The following SLMAP variants were observed in gnomAD, a reference collection of about 807,000 sequenced individuals.
The protein encoded by SLMAP is sarcolemmal membrane-associated protein.
A neutral mutation model predicts 128.8 loss-of-function variants in SLMAP; 44 were observed. That is an observed-to-expected ratio of 0.34 (90% CI 0.27 to 0.44). SLMAP has a LOEUF of 0.44. SLMAP is among the 20% of genes least tolerant of loss of function. The probability of loss-of-function intolerance (pLI) is 1.00; values close to 1 mark genes in which losing one functional copy is unlikely to be tolerated. For missense variants in SLMAP, 787 were observed against 985.3 expected (o/e 0.80, Z 2.69); for synonymous variants, 327 against 348.8 (o/e 0.94, Z 0.70).
intron 2 of SLMAP, among the ~76,000 whole-genome samples, chr3:57,796,649 A>G (rs181608033): frequency 6.6e-6 from 1 of 152,346 alleles, no homozygotes; most frequent in Non-Finnish European, 1.5e-5. Flanking sequence ...CTAGAGACCT[A>G]ATCTAAGAAC....
intron 13 of SLMAP, among the ~76,000 whole-genome samples, chr3:57,867,696 C>G (rs1045628933): frequency 1.3e-5 from 2 of 151,964 alleles, no homozygotes; most frequent in Non-Finnish European, 2.9e-5. Context: ...TTCAAGTATC[C>G]CAGTATTACC....
At chr3:57,779,712 A>T (rs1187200955) in intron 2 of SLMAP, among the ~76,000 whole-genome samples, 1 of 152,090 alleles carries the variant, frequency 6.6e-6, no homozygotes, top group Non-Finnish European at 1.5e-5. Flanking sequence ...TTTGATTCTC[A>T]TAATCAAGTA....
Position 57,913,220 on chromosome 3 carries a change from A to G in SLMAP, c.2083A>G (p.Arg695Gly). Residue 695 changes from arginine to glycine, a missense_variant, in exon 21 of 25, where the codon AGG becomes GGG. By Grantham distance (125) the Arg-to-Gly change is moderately radical. Transcript: ENST00000671191. ...GGAAACCGAATGCCATTCTCTAAAA[A>G]GGGAAAATGTTTTGCTATCATCAGA... ...ALETECHSLK[R>G]ENVLLSSELQ... 1 of 1,601,208 alleles carries G rather than the reference A, an allele frequency of 6.2e-7. No homozygotes were observed. Among genetic ancestry groups the G allele is most frequent in the Non-Finnish European group, 8.5e-7 (1 of 1,171,022 alleles).
intron 2 of SLMAP, among the ~76,000 whole-genome samples, chr3:57,770,931 C>CTTA (rs1418921572): frequency 1.3e-5 from 2 of 152,036 alleles, no homozygotes; most frequent in African/African-American, 4.8e-5. Flanking sequence ...TTGCATTATA[C>CTTA]TTACACTTAC....
chr3:57,824,965 T>A (rs2092810776), intron 2 of SLMAP, among the ~76,000 whole-genome samples: 1 of 152,262 alleles, frequency 6.6e-6, no homozygotes, highest in African/African-American at 2.4e-5. Flanking sequence ...TGTAAAAATC[T>A]TTTACCTCCT....
rs200859030 is a variant in SLMAP, at chr3:57,857,834, C to A, written c.615+6C>A. On this transcript the variant is annotated splice_donor_region_variant and intron_variant, in intron 7 of 24. Transcript: ENST00000671191. ...CTTCAGATACCAGTTGGCAGGTATTCCAGTTGTTTTATATTTAAGAAACAT... is the reference window on the plus strand; with the variant it reads ...CTTCAGATACCAGTTGGCAGGTATTACAGTTGTTTTATATTTAAGAAACAT... The A allele has an allele frequency of 1.3e-6, 2 of 1,569,730 alleles. No individual in the cohort carries two copies. The highest frequency in any genetic ancestry group is 1.7e-5 in the Admixed American group (1 of 59,346).
intron 3 of SLMAP, among the ~76,000 whole-genome samples, chr3:57,831,908 G>C (rs1362418478): frequency 6.6e-6 from 1 of 152,184 alleles, no homozygotes; most frequent in Non-Finnish European, 1.5e-5. Context: ...GGGTCTTACT[G>C]TCTTCCTGTT....
intron 15 of SLMAP, among the ~76,000 whole-genome samples, chr3:57,894,169 C>A (rs931092970): frequency 6.6e-6 from 1 of 151,850 alleles, no homozygotes; most frequent in African/African-American, 2.4e-5. Flanking sequence ...CAGTGTATGA[C>A]TATGTGAAGT....
At chr3:57,787,228 A>G (rs369909222) in intron 2 of SLMAP, among the ~76,000 whole-genome samples, 1 of 152,160 alleles carries the variant, frequency 6.6e-6, no homozygotes, top group African/African-American at 2.4e-5. Context: ...GGACTATATC[A>G]TTGACACACT....
In SLMAP at chr3:57,929,100, T is replaced by A. The variant is rs1424456512; in HGVS notation, c.*1811T>A. ...ATAAAGTACAATAGAATTTCTGGAG[T>A]ACAGATTAAACTATTTGCACTAACA... is the stretch of plus-strand genomic sequence containing the variant. On this transcript the variant is annotated 3_prime_UTR_variant, in exon 25 of 25. Coordinates refer to ENST00000671191, the MANE Select transcript of SLMAP (RefSeq NM_001377540.1). 1 of 152,594 alleles carries A rather than the reference T, an allele frequency of 6.6e-6. No individual in the cohort carries two copies. The allele number at this position is 152,594 out of a possible 1,614,324, so 9.5% of individuals were successfully genotyped here.
At chr3:57,780,237 C>T (rs915092722) in intron 2 of SLMAP, among the ~76,000 whole-genome samples, 6 of 151,760 alleles carry the variant, frequency 4.0e-5, no homozygotes, top group African/African-American at 1.5e-4. Context: ...GCCTTGACCT[C>T]CTGGGCTCAA....
Position 57,830,426 on chromosome 3 carries a change from A to G in SLMAP, c.199-957A>G, listed in dbSNP as rs111989880. 2.9e-3 allele frequency among the ~76,000 whole-genome samples: 446 copies of G among 152,362 alleles called. 3 individuals carry two copies. The highest frequency in any genetic ancestry group is 0.01 in the African/African-American group (427 of 41,588). On this transcript the variant is annotated intron_variant, in intron 2 of 24. Coordinates refer to ENST00000671191, the MANE Select transcript of SLMAP (RefSeq NM_001377540.1). ...ACCTTTCTTCCTTAGGAAGAAATTCAGCGAAAATGTGTTACTAAAATAAGT... is the reference window on the plus strand; with the variant it reads ...ACCTTTCTTCCTTAGGAAGAAATTCGGCGAAAATGTGTTACTAAAATAAGT...
chr3:57,856,545 A>G (rs1219998654), intron 6 of SLMAP, among the ~76,000 whole-genome samples: 1 of 152,134 alleles, frequency 6.6e-6, no homozygotes, highest in African/African-American at 2.4e-5. Flanking sequence ...CCTCCACATC[A>G]TATCCCACTG....
intron 15 of SLMAP, among the ~76,000 whole-genome samples, chr3:57,893,195 T>G (rs912829400): frequency 4.6e-5 from 7 of 152,018 alleles, no homozygotes; most frequent in African/African-American, 1.7e-4. Flanking sequence ...CACTGTTCTG[T>G]GCACTGGGAA....
At chr3:57,906,317 T>C (rs867265015) in intron 17 of SLMAP, among the ~76,000 whole-genome samples, 1,597 of 121,742 alleles carry the variant, frequency 0.013, 62 homozygotes, top group African/African-American at 0.045. Flanking sequence ...TTTCTTTTTT[T>C]TTTTTTTTTT....
chr3:57,875,560 A>G (rs980705615), intron 14 of SLMAP, among the ~76,000 whole-genome samples: 2 of 152,206 alleles, frequency 1.3e-5, no homozygotes, highest in Non-Finnish European at 2.9e-5. Flanking sequence ...GTATTCCCAG[A>G]CATCTGAATC....
chr3:57,774,461 A>G (rs1347313276), intron 2 of SLMAP, among the ~76,000 whole-genome samples: 1 of 151,922 alleles, frequency 6.6e-6, no homozygotes, highest in Non-Finnish European at 1.5e-5. Flanking sequence ...TTGCTTTGTC[A>G]TAGTGGTATG....
In SLMAP at chr3:57,831,541, G is replaced by T; in HGVS notation, c.346+11G>T. On this transcript the variant is annotated intron_variant, in intron 3 of 24. Coordinates refer to ENST00000671191, the MANE Select transcript of SLMAP (RefSeq NM_001377540.1). ...AGAATACACGGAAAGGTACGGGTAT[G>T]GATCACTTTTTTTATTACTTGTCTT... 2 of 1,460,158 alleles carry T rather than the reference G, an allele frequency of 1.4e-6. No homozygotes were observed. The highest frequency in any genetic ancestry group is 2.5e-5 in the East Asian group (1 of 39,938). The allele number at this position is 1,460,158 out of a possible 1,614,324, so 90.5% of individuals were successfully genotyped here. A position where few individuals can be genotyped will look rare whatever the true frequency, so the allele number is the denominator to read the frequency against.
intron 2 of SLMAP, among the ~76,000 whole-genome samples, chr3:57,821,450 A>G (rs1456369517): frequency 2.0e-5 from 3 of 152,220 alleles, no homozygotes; most frequent in Non-Finnish European, 4.4e-5. Flanking sequence ...CCTATAGAAT[A>G]TGAATAAAGA....
Sources: gnomAD v4.1 joint callset for allele counts (sites outside exome capture counted in the v4.1 genomes callset) on GRCh38, gnomAD v4.1.1 for gene constraint, MANE v1.5 for transcripts, NCBI Gene and HGNC (gene_info 2026-07-23, HGNC 2026-07-21) for gene names.